Variants in SORCS2 observed in about 807,000 individuals in gnomAD.
SORCS2 encodes VPS10 domain-containing receptor SorCS2.
SORCS2 carries 100 observed loss-of-function variants against 141.6 expected under a neutral mutation model. The ratio of observed to expected loss-of-function variants is 0.71; its 90% CI spans 0.60 to 0.83. The LOEUF (loss-of-function observed/expected upper bound fraction) is 0.83. Ranked by LOEUF, SORCS2 falls within the 40% of genes least tolerant of loss-of-function variation. The probability of loss-of-function intolerance (pLI) is 0.00; values close to 1 mark genes in which losing one functional copy is unlikely to be tolerated. For missense variants in SORCS2, 1,646 were observed against 1,560.2 expected (o/e 1.05, Z -0.93); for synonymous variants, 789 against 676.9 (o/e 1.17, Z -2.57).
At chr4:7,563,388 G>A (rs571508603) in intron 3 of SORCS2, among the ~76,000 whole-genome samples, 187 of 152,270 alleles carry the variant, frequency 1.2e-3, no homozygotes, top group Non-Finnish European at 2.4e-3. Context: ...AGGCCCGGGG[G>A]AGTAAGTGAC....
At chr4:7,236,999 C>T (rs555489779) in intron 1 of SORCS2, among the ~76,000 whole-genome samples, 14 of 152,298 alleles carry the variant, frequency 9.2e-5, no homozygotes, top group South Asian at 4.1e-4. Context: ...AAAGACTGGT[C>T]GGGTGGGGCT....
intron 3 of SORCS2, among the ~76,000 whole-genome samples, chr4:7,596,998 G>A (rs753014597): frequency 7.2e-5 from 11 of 152,134 alleles, no homozygotes; most frequent in South Asian, 2.1e-4. Flanking sequence ...GCCATGATGC[G>A]GTTGTGCAAT....
At chr4:7,585,326 G>T (rs111386302) in intron 3 of SORCS2, among the ~76,000 whole-genome samples, 1 of 152,140 alleles carries the variant, frequency 6.6e-6, no homozygotes, top group Non-Finnish European at 1.5e-5. Flanking sequence ...AAAACCCGCC[G>T]GACTTCCAAG....
intron 3 of SORCS2, among the ~76,000 whole-genome samples, chr4:7,558,589 T>C (rs908291490): frequency 6.6e-6 from 1 of 152,170 alleles, no homozygotes; most frequent in African/African-American, 2.4e-5. Context: ...CTGACAGTGC[T>C]GCCTGGTCAG....
intron 2 of SORCS2, among the ~76,000 whole-genome samples, chr4:7,455,002 G>C (rs1434983172): frequency 7.6e-6 from 1 of 131,718 alleles, no homozygotes; most frequent in African/African-American, 2.9e-5. Context: ...AGTGTCATGC[G>C]CCACGTTAGG....
At chr4:7,420,903 C>T (rs1242215749) in intron 2 of SORCS2, among the ~76,000 whole-genome samples, 1 of 152,202 alleles carries the variant, frequency 6.6e-6, no homozygotes, top group Non-Finnish European at 1.5e-5. Context: ...TCTCGCTTGC[C>T]TCCTCTGCCC....
At chr4:7,533,010 C>T (rs1711789552) in intron 3 of SORCS2, among the ~76,000 whole-genome samples, 1 of 151,446 alleles carries the variant, frequency 6.6e-6, no homozygotes, top group African/African-American at 2.4e-5. Flanking sequence ...GAGCCAGCCC[C>T]TGCTTCTTCC....
At chr4:7,407,996 T>C (rs1321999427) in intron 2 of SORCS2, among the ~76,000 whole-genome samples, 1 of 152,128 alleles carries the variant, frequency 6.6e-6, no homozygotes, top group Non-Finnish European at 1.5e-5. Flanking sequence ...CTTTTAGTTG[T>C]TTCAGTTTAC....
rs531500388 is a variant in SORCS2 at position 7,611,834 on chromosome 4, G to A, written c.649-26494G>A. ...ACACATTGTCAGGGGCTGCACTGGT[G>A]CTGTTAGGACAGAGGCCATAGGCCT... On this transcript the variant is annotated intron_variant, in intron 3 of 26. Transcript: ENST00000507866. 2.6e-5 allele frequency among the ~76,000 whole-genome samples: 4 copies of A among 152,358 alleles called. No homozygotes were observed. In the East Asian group the frequency reaches 7.7e-4, roughly 29 times the overall value.
At chr4:7,606,456 C>T (rs888530258) in intron 3 of SORCS2, among the ~76,000 whole-genome samples, 8 of 152,102 alleles carry the variant, frequency 5.3e-5, no homozygotes, top group African/African-American at 9.7e-5. Context: ...CCTTGTCCTT[C>T]GTTTCTGCTG....
intron 2 of SORCS2, among the ~76,000 whole-genome samples, chr4:7,460,467 G>C (rs1266047268): frequency 6.6e-6 from 1 of 152,202 alleles, no homozygotes; most frequent in African/African-American, 2.4e-5. Context: ...TGCAGCCTCA[G>C]TGAATTCCAA....
At chr4:7,723,039 C>T (rs192661400) in intron 18 of SORCS2, among the ~76,000 whole-genome samples, 99 of 152,178 alleles carry the variant, frequency 6.5e-4, no homozygotes, top group African/African-American at 2.2e-3. Flanking sequence ...CTCAATCCCC[C>T]ACCTCTGCGA....
In SORCS2 at chr4:7,290,002, C is replaced by G. The variant is rs74404608; in HGVS notation, c.480+96876C>G. On this transcript the variant is annotated intron_variant, in intron 1 of 26. Transcript: ENST00000507866. The stretch of plus-strand genomic sequence containing the variant: ...ATCCTCTGAGTTGGCCTTGGCACTC[C>G]CAGGCTGCGAGGGAGGACTCCACAC... Among the ~76,000 whole-genome samples, 1,016 of 152,302 alleles carry G rather than the reference C, an allele frequency of 6.7e-3. 66 individuals carry two copies. The East Asian group carries it at 0.14, about 21-fold the overall frequency.
intron 1 of SORCS2, among the ~76,000 whole-genome samples, chr4:7,316,921 T>C (rs975793639): frequency 3.3e-5 from 5 of 152,174 alleles, no homozygotes; most frequent in Admixed American, 3.3e-4. Context: ...GAGTCTCTTG[T>C]GGCTTCTGGT....
intron 1 of SORCS2, among the ~76,000 whole-genome samples, chr4:7,219,585 C>T (rs959198813): frequency 2.6e-5 from 4 of 152,138 alleles, no homozygotes; most frequent in Admixed American, 1.3e-4. Context: ...CTTCACAAGG[C>T]GGCAGGAAGA....
intron 3 of SORCS2, among the ~76,000 whole-genome samples, chr4:7,586,524 C>T (rs1378010035): frequency 1.3e-5 from 2 of 152,206 alleles, no homozygotes; most frequent in African/African-American, 2.4e-5. Flanking sequence ...TTCCCCCACA[C>T]TGTGTCCATG....
At chr4:7,708,882 C>T (rs1725646461) in intron 14 of SORCS2, among the ~76,000 whole-genome samples, 2 of 152,212 alleles carry the variant, frequency 1.3e-5, no homozygotes, top group South Asian at 2.1e-4. Flanking sequence ...GATAATCACC[C>T]TTCCTGTTCT....
intron 2 of SORCS2, among the ~76,000 whole-genome samples, chr4:7,505,916 C>T (rs975636979): frequency 6.6e-6 from 1 of 152,192 alleles, no homozygotes; most frequent in South Asian, 2.1e-4. Context: ...TGGTGTGGGA[C>T]GTGCCAAGCC....
intron 1 of SORCS2, among the ~76,000 whole-genome samples, chr4:7,299,667 G>A (rs965832334): frequency 6.6e-6 from 1 of 152,172 alleles, no homozygotes; most frequent in African/African-American, 2.4e-5. Flanking sequence ...CACCCTAATT[G>A]TCCTATTATC....
Sources: allele counts gnomAD v4.1 joint callset (sites outside exome capture counted in the v4.1 genomes callset), GRCh38; gene constraint gnomAD v4.1.1; transcripts MANE v1.5; gene names NCBI Gene and HGNC (gene_info 2026-07-23, HGNC 2026-07-21).